Variants in CAST observed in about 807,000 individuals in gnomAD.
The protein encoded by CAST is MIR583 host.
In CAST, 76 loss-of-function variants were observed where a neutral mutation model predicts 119.6. The ratio of observed to expected loss-of-function variants is 0.64; its 90% CI spans 0.53 to 0.77. The LOEUF is 0.77. Ranked by LOEUF, CAST falls within the 30% of genes least tolerant of loss-of-function variation. CAST has a pLI of 0.00. For synonymous variants in CAST, 319 were observed against 331.6 expected (o/e 0.96, Z 0.41); for missense variants, 953 against 946.5 (o/e 1.01, Z -0.09).
the CAST span, among the ~76,000 whole-genome samples, chr5:96,232,400 A>G: frequency 4.9e-4 from 75 of 152,110 alleles, no homozygotes; most frequent in Admixed American, 7.2e-4. Flanking sequence ...TAAAAACTAC[A>G]AGGATTGAAA....
At chr5:96,652,785 C>G (rs1053596955) in intron 1 of CAST, among the ~76,000 whole-genome samples, 3 of 152,210 alleles carry the variant, frequency 2.0e-5, no homozygotes, top group African/African-American at 7.2e-5. Flanking sequence ...AAAAACAGAG[C>G]TCATGACAGA....
chr5:96,278,351 G>A, the CAST span, among the ~76,000 whole-genome samples: 1 of 152,056 alleles, frequency 6.6e-6, no homozygotes, highest in Non-Finnish European at 1.5e-5. Flanking sequence ...TTACCAGGCA[G>A]GATGGTACCT....
At chr5:96,306,821 T>G in the CAST span, among the ~76,000 whole-genome samples, 1 of 152,174 alleles carries the variant, frequency 6.6e-6, no homozygotes, top group African/African-American at 2.4e-5. Context: ...AGACTGTTTC[T>G]TATGATTTTG....
Position 96,773,477 on chromosome 5 carries a change from T to C in CAST, c.*861T>C, listed in dbSNP as rs769307024. The C allele has an allele frequency of 1.9e-4, 29 of 152,360 alleles. No individual in the cohort carries two copies. The highest frequency in any genetic ancestry group is 2.8e-4 in the Non-Finnish European group (19 of 68,026). The allele number at this position is 152,360 out of a possible 1,614,324, so 9.4% of individuals were successfully genotyped here. A position where few individuals can be genotyped will look rare whatever the true frequency, so the allele number is the denominator to read the frequency against. ...AACTGTGCTTTCTATTATCTATACA[T>C]AAAACCTGAGCAGCAACTGTGTCTT... On this transcript the variant is annotated 3_prime_UTR_variant, in exon 32 of 32. Coordinates refer to ENST00000675179, the MANE Select transcript of CAST (RefSeq NM_001750.7).
the CAST span, among the ~76,000 whole-genome samples, chr5:96,399,794 T>C: frequency 2.6e-5 from 4 of 152,124 alleles, no homozygotes; most frequent in Non-Finnish European, 5.9e-5. Flanking sequence ...AGCTTTGGTC[T>C]CTTAGTTAGT....
chr5:96,045,648 C>T, the CAST span, among the ~76,000 whole-genome samples: 3 of 151,964 alleles, frequency 2.0e-5, no homozygotes, highest in Non-Finnish European at 4.4e-5. Context: ...GATTGTGTGC[C>T]AGGTAAAATT....
At chr5:96,535,863 G>A (rs965029971) in intron 1 of CAST, among the ~76,000 whole-genome samples, 4 of 151,398 alleles carry the variant, frequency 2.6e-5, no homozygotes, top group African/African-American at 4.8e-5. Context: ...GTGAGCCACT[G>A]CACCTGGCCA....
At chr5:96,497,177 A>G in the CAST span, among the ~76,000 whole-genome samples, 1 of 152,002 alleles carries the variant, frequency 6.6e-6, no homozygotes, top group Non-Finnish European at 1.5e-5. Context: ...ATGTCCCTTC[A>G]AAGGACATGA....
chr5:95,988,102 T>C, the CAST span, among the ~76,000 whole-genome samples: 3,086 of 152,316 alleles, frequency 0.02, 44 homozygotes, highest in Middle Eastern at 0.044. Flanking sequence ...ACTTACGGCT[T>C]GGGCAGAAAA....
At chr5:96,076,664 C>T in the CAST span, among the ~76,000 whole-genome samples, 1 of 152,110 alleles carries the variant, frequency 6.6e-6, no homozygotes, top group Non-Finnish European at 1.5e-5. Flanking sequence ...TTTGCCACGT[C>T]ATAAGAATTT....
chr5:96,347,109 A>T, the CAST span, among the ~76,000 whole-genome samples: 362 of 152,204 alleles, frequency 2.4e-3, 2 homozygotes, highest in Non-Finnish European at 4.3e-3. Context: ...CAGAGCCTCC[A>T]TTTGAATATC....
At chr5:96,387,665 G>A in the CAST span, among the ~76,000 whole-genome samples, 1 of 152,168 alleles carries the variant, frequency 6.6e-6, no homozygotes, top group Non-Finnish European at 1.5e-5. Flanking sequence ...CTATGAATGT[G>A]ACTATGAACT....
intron 1 of CAST, among the ~76,000 whole-genome samples, chr5:96,604,023 CCA>C (rs963750173): frequency 5.3e-5 from 8 of 152,090 alleles, no homozygotes. Context: ...CCTCAGCTTC[CCA>C]AAGTGCTGAG....
the CAST span, among the ~76,000 whole-genome samples, chr5:96,419,462 C>T: frequency 6.8e-6 from 1 of 146,830 alleles, no homozygotes; most frequent in South Asian, 2.1e-4. Flanking sequence ...TATATATACA[C>T]TCACTTAATA....
the CAST span, among the ~76,000 whole-genome samples, chr5:96,462,182 ATT>A: frequency 1.3e-4 from 20 of 151,952 alleles, no homozygotes; most frequent in Non-Finnish European, 2.4e-4. Context: ...AACAGTGCAA[ATT>A]TTTACATTAT....
intron 19 of CAST, 57 bp from the exon 20 acceptor site, chr5:96,750,530 C>G: frequency 1.9e-6 from 2 of 1,070,308 alleles, no homozygotes; most frequent in South Asian, 2.5e-5. Context: ...TACCATTACT[C>G]AGTCTTATTA....
intron 1 of CAST, among the ~76,000 whole-genome samples, chr5:96,640,928 G>A (rs767692747): frequency 2.6e-5 from 4 of 152,094 alleles, no homozygotes; most frequent in Non-Finnish European, 4.4e-5. Flanking sequence ...AGGGGGATCC[G>A]GATGGCTTAT....
At chr5:96,383,170 G>A in the CAST span, among the ~76,000 whole-genome samples, 2 of 152,162 alleles carry the variant, frequency 1.3e-5, no homozygotes, top group Admixed American at 1.3e-4. Flanking sequence ...CTGCTATTAT[G>A]ATGATCAGAA....
At chr5:96,641,716 A>T (rs941809978) in intron 1 of CAST, among the ~76,000 whole-genome samples, 2 of 152,086 alleles carry the variant, frequency 1.3e-5, no homozygotes. Flanking sequence ...CCTCTCCTGC[A>T]CTATCTTTCC....
Sources: allele counts gnomAD v4.1 joint callset (sites outside exome capture counted in the v4.1 genomes callset), GRCh38; gene constraint gnomAD v4.1.1; transcripts MANE v1.5; gene names NCBI Gene and HGNC (gene_info 2026-07-23, HGNC 2026-07-21).